Variants in TDRD10 observed in about 807,000 individuals in gnomAD.
TDRD10 encodes tudor domain containing 10, also known as tudor domain-containing protein 10.
Under a neutral mutation model 48.0 loss-of-function variants are expected in TDRD10, and 40 were observed. That is an observed-to-expected ratio of 0.83 (90% confidence interval 0.65 to 1.09). The LOEUF is 1.09. Among genes scored for constraint, TDRD10 ranks in the 50% least tolerant of loss-of-function variants. The pLI, the probability that TDRD10 is intolerant of heterozygous loss-of-function variation, is 0.00. For missense variants in TDRD10, 378 were observed against 434.7 expected, an observed-to-expected ratio of 0.87 and a Z score of 1.16; for synonymous variants, 162 against 170.4, an observed-to-expected ratio of 0.95 and a Z score of 0.38.
At chr1:154,503,234 T>G (rs1408575877) in intron 1 of TDRD10, among the ~76,000 whole-genome samples, 2 of 151,852 alleles carry the variant, frequency 1.3e-5, no homozygotes, top group African/African-American at 4.8e-5. Flanking sequence ...TGTGCAGAAC[T>G]GTGGCCACTT....
At chr1:154,542,562 A>T (rs1237683031) in intron 7 of TDRD10, among the ~76,000 whole-genome samples, 169 bp from the exon 8 acceptor site, 1 of 152,038 alleles carries the variant, frequency 6.6e-6, no homozygotes, top group Non-Finnish European at 1.5e-5. Context: ...CATCCGACTG[A>T]CCCTTCCCGC....
chr1:154,543,858 C>A, intron 8 of TDRD10, 105 bp from the exon 9 acceptor site: 1 of 1,518,188 alleles, frequency 6.6e-7, no homozygotes, highest in Non-Finnish European at 8.9e-7. Context: ...GGGGACTCAT[C>A]CCCCAGGCAG....
intron 6 of TDRD10, among the ~76,000 whole-genome samples, chr1:154,525,388 A>C (rs563838276): frequency 2.8e-5 from 2 of 70,892 alleles, no homozygotes; most frequent in East Asian, 1.3e-3. Flanking sequence ...TGTAAACAAC[A>C]CATGGGTCAA....
At chr1:154,503,686 C>CTAAA (rs1310372512) in intron 1 of TDRD10, among the ~76,000 whole-genome samples, 1 of 152,164 alleles carries the variant, frequency 6.6e-6, no homozygotes, top group African/African-American at 2.4e-5. Flanking sequence ...GTTTAGCAAA[C>CTAAA]TAAATGTGCT....
At chr1:154,535,487 G>T (rs1271384693) in intron 6 of TDRD10, among the ~76,000 whole-genome samples, 1 of 152,062 alleles carries the variant, frequency 6.6e-6, no homozygotes, top group Non-Finnish European at 1.5e-5. Context: ...ATTGCTTCAG[G>T]CCAGGAGTTT....
At chr1:154,540,939 G>T (rs564658955) in intron 6 of TDRD10, among the ~76,000 whole-genome samples, 1 of 152,200 alleles carries the variant, frequency 6.6e-6, no homozygotes, top group African/African-American at 2.4e-5. Flanking sequence ...ATTCAGAACA[G>T]GGGAGTGACC....
At chr1:154,540,153 T>A (rs1695142962) in intron 6 of TDRD10, among the ~76,000 whole-genome samples, 1 of 152,210 alleles carries the variant, frequency 6.6e-6, no homozygotes, top group Non-Finnish European at 1.5e-5. Context: ...AAGATCACAG[T>A]CCTCAGGTGA....
chr1:154,514,891 G>A (rs1020132612), intron 4 of TDRD10, among the ~76,000 whole-genome samples: 53 of 90,020 alleles, frequency 5.9e-4, no homozygotes, highest in Admixed American at 1.3e-3. Context: ...TTTTTGAGAC[G>A]GAGCCTTACT....
chr1:154,530,723 G>A lies in TDRD10; in HGVS notation c.369+9244G>A, dbSNP rs371372516. Among the ~76,000 whole-genome samples, 81 of 151,862 alleles carry A rather than the reference G, an allele frequency of 5.3e-4. 1 individual carries two copies. Among genetic ancestry groups the A allele is most frequent in the African/African-American group, 1.9e-3 (77 of 41,406 alleles). On this transcript the variant is annotated intron_variant, in intron 6 of 12. Coordinates refer to ENST00000368482, the MANE Select transcript of TDRD10 (RefSeq NM_182499.4). ...TGCCTGTTTGAATCTAGGTTTTCTC[G>A]GTCTACTGTCTTTCTGTTGCTCAGA...
chr1:154,502,301 T>A lies in TDRD10; in HGVS notation c.-756T>A. ...GGGGCTTCCCCCTGCTCTTTCCTCC[T>A]GCGGTGGGAGAGGCCAGGCCCACGG... On this transcript the variant is annotated 5_prime_UTR_variant, in exon 1 of 13. Transcript: ENST00000368482. 1.1e-5 allele frequency: 2 copies of A among 186,122 alleles called. No homozygotes were observed. The highest frequency in any genetic ancestry group is 1.1e-5 in the Non-Finnish European group (1 of 90,912). 11.5% of individuals were successfully genotyped at this position (186,122 alleles called of 1,614,324 possible). A position where few individuals can be genotyped will look rare whatever the true frequency, so the allele number is the denominator to read the frequency against.
intron 6 of TDRD10, among the ~76,000 whole-genome samples, chr1:154,524,609 T>G (rs1447377709): frequency 1.3e-5 from 2 of 152,318 alleles, no homozygotes; most frequent in African/African-American, 2.4e-5. Flanking sequence ...TTAAGGGTTT[T>G]TGTGTGTGTG....
intron 4 of TDRD10, among the ~76,000 whole-genome samples, chr1:154,519,263 A>G (rs1693928947): frequency 6.6e-6 from 1 of 152,252 alleles, no homozygotes. Context: ...AAAGCAAATT[A>G]GAAAATTTGC....
chr1:154,519,196 A>G (rs533023261), intron 4 of TDRD10, among the ~76,000 whole-genome samples: 8 of 152,376 alleles, frequency 5.3e-5, no homozygotes, highest in Non-Finnish European at 1.0e-4. Context: ...GTTCTCACGA[A>G]TTGCTTGTTC....
intron 6 of TDRD10, among the ~76,000 whole-genome samples, chr1:154,532,761 G>T (rs1042696774): frequency 2.0e-4 from 30 of 152,300 alleles, no homozygotes; most frequent in Admixed American, 2.0e-3. Context: ...TGTTTTAACT[G>T]GCTTCCTCTG....
intron 6 of TDRD10, among the ~76,000 whole-genome samples, chr1:154,539,151 TTC>T (rs1695089452): frequency 6.6e-6 from 1 of 152,198 alleles, no homozygotes; most frequent in Non-Finnish European, 1.5e-5. Context: ...GTTGTGCTGC[TTC>T]TGTTTCTTAG....
At chr1:154,545,809 C>A in intron 11 of TDRD10, among the ~76,000 whole-genome samples, 1 of 146,156 alleles carries the variant, frequency 6.8e-6, no homozygotes. Context: ...CTCGTTCTGT[C>A]ACCCAGGCTG....
rs1236979312 is a variant in TDRD10 at position 154,544,026 on chromosome 1, C to T, written c.567C>T (p.Ile189=). The change falls in exon 9 of 13, where the codon ATC becomes ATT. Residue 189 remains isoleucine, a synonymous_variant. Coordinates refer to ENST00000368482, the MANE Select transcript of TDRD10 (RefSeq NM_182499.4). ...CFRDLSWLAL[I]HSVRGEAGLL... is the part of the protein sequence containing the mutation. ...GAGACCTGAGCTGGCTGGCACTCAT[C>T]CATAGCGTCCGTGGGGAGGCGGGGC... 6.2e-7 allele frequency: 1 copy of T among 1,614,182 alleles called. No individual in the cohort carries two copies. The highest frequency in any genetic ancestry group is 8.5e-7 in the Non-Finnish European group (1 of 1,180,032).
intron 4 of TDRD10, among the ~76,000 whole-genome samples, chr1:154,513,928 G>A (rs775549647): frequency 1.1e-4 from 16 of 152,164 alleles, no homozygotes; most frequent in Non-Finnish European, 2.2e-4. Context: ...GGTGGCTCAC[G>A]CCTGTAATCC....
At chr1:154,543,366 G>T (rs775571531) in intron 8 of TDRD10, among the ~76,000 whole-genome samples, 31 of 152,204 alleles carry the variant, frequency 2.0e-4, no homozygotes, top group South Asian at 1.5e-3. Flanking sequence ...TGGATGCCAT[G>T]AGATCATCAT....
Sources: gnomAD v4.1 joint callset for allele counts (sites outside exome capture counted in the v4.1 genomes callset) on GRCh38, gnomAD v4.1.1 for gene constraint, MANE v1.5 for transcripts, NCBI Gene and HGNC (gene_info 2026-07-23, HGNC 2026-07-21) for gene names.